The following DMD variants were observed in gnomAD, a reference collection of about 807,000 sequenced individuals.
DMD encodes dystrophin.
A neutral mutation model predicts 330.1 loss-of-function variants in DMD; 63 were observed. The observed-to-expected ratio is 0.19, with a 90% CI of 0.16 to 0.24. The LOEUF is 0.24. DMD is among the 10% of genes least tolerant of loss of function. The probability of loss-of-function intolerance (pLI) is 1.00; values close to 1 mark genes in which losing one functional copy is unlikely to be tolerated. For synonymous variants in DMD, 1,223 were observed against 959.8 expected, an observed-to-expected ratio of 1.27 and a Z score of -5.07; for missense variants, 3,344 against 2,684.1, an observed-to-expected ratio of 1.25 and a Z score of -5.43.
intron 62 of DMD, among the ~76,000 whole-genome samples, chrX:31,281,939 C>G (rs2052641366): frequency 1.8e-5 from 2 of 111,414 alleles, no homozygotes; most frequent in African/African-American, 6.6e-5. Flanking sequence ...CTATGGCCCT[C>G]AAATGAGTTG....
chrX:31,671,955 TTTCTC>T (rs1173397470), intron 53 of DMD, among the ~76,000 whole-genome samples: 3 of 111,755 alleles, frequency 2.7e-5, no homozygotes, highest in East Asian at 2.8e-4. Context: ...TAGATTTACT[TTTCTC>T]TTCTTTTTCT....
chrX:32,653,274 G>C (rs889264589), intron 9 of DMD, among the ~76,000 whole-genome samples: 1 of 111,536 alleles, frequency 9.0e-6, no homozygotes, highest in Non-Finnish European at 1.9e-5. Flanking sequence ...TTTTCTTCTA[G>C]GTTTTTATGG....
At chrX:31,555,168 G>C (rs1174868954) in intron 55 of DMD, among the ~76,000 whole-genome samples, 1 of 111,766 alleles carries the variant, frequency 8.9e-6, no homozygotes, top group African/African-American at 3.3e-5. Flanking sequence ...TCTAGGGGAG[G>C]GCAGTGGCGC....
At chrX:32,700,318 A>C (rs186976869) in intron 7 of DMD, among the ~76,000 whole-genome samples, 1 of 111,514 alleles carries the variant, frequency 9.0e-6, no homozygotes, top group Admixed American at 9.6e-5. Flanking sequence ...CAGGCACAGA[A>C]AGATAAGTAC....
chrX:31,188,790 A>G (rs2042046802), intron 67 of DMD, among the ~76,000 whole-genome samples: 1 of 111,912 alleles, frequency 8.9e-6, no homozygotes, highest in South Asian at 3.7e-4. Context: ...CAGAAAAGCT[A>G]GGGGAAGGAA....
chrX:32,157,805 C>T (rs979488889), intron 44 of DMD, among the ~76,000 whole-genome samples: 1 of 111,939 alleles, frequency 8.9e-6, no homozygotes, highest in Admixed American at 9.5e-5. Context: ...GTGTGGTCTG[C>T]ATCATGGAGG....
At chrX:32,108,041 C>T (rs1010463588) in intron 44 of DMD, among the ~76,000 whole-genome samples, 1 of 111,421 alleles carries the variant, frequency 9.0e-6, no homozygotes, top group East Asian at 2.8e-4. Context: ...TTCTCTACCC[C>T]CTGTCCCAAA....
At chrX:32,831,957 A>G (rs1179918371) in intron 4 of DMD, among the ~76,000 whole-genome samples, 2 of 110,558 alleles carry the variant, frequency 1.8e-5, no homozygotes, top group South Asian at 3.8e-4. Flanking sequence ...TGACAAGGAC[A>G]TTTCAGAGCT....
intron 44 of DMD, among the ~76,000 whole-genome samples, chrX:32,016,667 G>A (rs2095763403): frequency 8.9e-6 from 1 of 112,420 alleles, no homozygotes; most frequent in South Asian, 3.7e-4. Context: ...TCTTCCAAAT[G>A]TAGTGTTTAT....
chrX:32,733,242 G>C (rs2067966188), intron 7 of DMD, among the ~76,000 whole-genome samples: 1 of 110,961 alleles, frequency 9.0e-6, no homozygotes. Context: ...ACCCAACAAA[G>C]GAGCACCCAG....
chrX:31,289,903 TTA>T (rs1266037129), intron 62 of DMD, among the ~76,000 whole-genome samples: 1 of 7,845 alleles, frequency 1.3e-4, no homozygotes, highest in African/African-American at 1.8e-3. Flanking sequence ...ATTCTGTTTA[TTA>T]TTATTATTAT....
intron 44 of DMD, among the ~76,000 whole-genome samples, chrX:32,092,974 C>T (rs1314150136): frequency 9.0e-6 from 1 of 110,502 alleles, no homozygotes; most frequent in Non-Finnish European, 1.9e-5. Context: ...TGTTATTGTT[C>T]CTTTCTAAAA....
intron 44 of DMD, among the ~76,000 whole-genome samples, chrX:32,167,943 T>C (rs190933209): frequency 3.8e-4 from 43 of 112,478 alleles, no homozygotes; most frequent in Non-Finnish European, 6.6e-4. Context: ...GGTCAATATT[T>C]AGTTTTAAAA....
intron 1 of DMD, among the ~76,000 whole-genome samples, chrX:33,254,344 A>C (rs1306906071): frequency 9.3e-6 from 1 of 107,192 alleles, no homozygotes; most frequent in Non-Finnish European, 1.9e-5. Flanking sequence ...TTGAAAAAAG[A>C]TATGATATAT....
At chrX:32,214,817 G>A (rs900811673) in intron 44 of DMD, among the ~76,000 whole-genome samples, 10 of 111,793 alleles carry the variant, frequency 8.9e-5, no homozygotes, top group South Asian at 3.7e-4. Flanking sequence ...TATCAAGCAC[G>A]CGCTAAGTTA....
At chrX:31,433,251 G>A (rs1365409312) in intron 60 of DMD, among the ~76,000 whole-genome samples, 1 of 111,760 alleles carries the variant, frequency 8.9e-6, no homozygotes, top group Admixed American at 9.5e-5. Context: ...TAGCTGTGTA[G>A]TATTCCATGG....
intron 59 of DMD, among the ~76,000 whole-genome samples, chrX:31,468,076 C>CTAGCA (rs1290435811): frequency 9.0e-6 from 1 of 111,439 alleles, no homozygotes; most frequent in Non-Finnish European, 1.9e-5. Context: ...ATTAGTCTGG[C>CTAGCA]TAGCAGTCTA....
intron 16 of DMD, among the ~76,000 whole-genome samples, chrX:32,563,149 G>A (rs2051240385): frequency 9.1e-6 from 1 of 109,455 alleles, no homozygotes; most frequent in Non-Finnish European, 1.9e-5. Flanking sequence ...GACCACCCTG[G>A]CCAACATGGT....
chrX:31,366,910 T>C (rs1021922342), intron 60 of DMD, among the ~76,000 whole-genome samples: 6 of 111,120 alleles, frequency 5.4e-5, no homozygotes, highest in African/African-American at 2.0e-4. Context: ...AGTGCCTTTT[T>C]TTCTCCATCC....
Sources: gnomAD v4.1 joint callset for allele counts (sites outside exome capture counted in the v4.1 genomes callset) on GRCh38, gnomAD v4.1.1 for gene constraint, MANE v1.5 for transcripts, NCBI Gene and HGNC (gene_info 2026-07-23, HGNC 2026-07-21) for gene names.